Variants in CDK14 observed in about 807,000 individuals in gnomAD.
CDK14 encodes cyclin dependent kinase 14.
A neutral mutation model predicts 60.7 loss-of-function variants in CDK14; 34 were observed. That is an observed-to-expected ratio of 0.56 (90% confidence interval 0.43 to 0.75). CDK14 has a LOEUF of 0.75. Among genes scored for constraint, CDK14 ranks in the 30% least tolerant of loss-of-function variants. The pLI, the probability that CDK14 is intolerant of heterozygous loss-of-function variation, is 0.00. For synonymous variants in CDK14, 197 were observed against 203.7 expected (o/e 0.97, Z 0.28); for missense variants, 482 against 564.1 (o/e 0.85, Z 1.47).
chr7:91,015,267 T>A (rs1796266913), intron 10 of CDK14, among the ~76,000 whole-genome samples: 1 of 152,146 alleles, frequency 6.6e-6, no homozygotes, highest in South Asian at 2.1e-4. Context: ...AACTCCTTCC[T>A]CAAGACACTC....
At chr7:90,647,577 A>G (rs886195538) in intron 2 of CDK14, among the ~76,000 whole-genome samples, 1 of 151,696 alleles carries the variant, frequency 6.6e-6, no homozygotes, top group East Asian at 1.9e-4. Flanking sequence ...TTGTTTGGCG[A>G]GTTAAAACTT....
chr7:91,178,648 G>A (rs571244949), intron 14 of CDK14, among the ~76,000 whole-genome samples: 2,713 of 152,160 alleles, frequency 0.018, 27 homozygotes, highest in Non-Finnish European at 0.024. Flanking sequence ...GTGGGCGAAG[G>A]ACATGAACAG....
At chr7:91,005,294 C>T (rs1288983536) in intron 10 of CDK14, among the ~76,000 whole-genome samples, 1 of 152,246 alleles carries the variant, frequency 6.6e-6, no homozygotes, top group African/African-American at 2.4e-5. Context: ...GGTGGGTGCA[C>T]TGCTGGGAAC....
chr7:90,997,693 T>C (rs1317642740), intron 10 of CDK14, among the ~76,000 whole-genome samples: 1 of 152,194 alleles, frequency 6.6e-6, no homozygotes, highest in Non-Finnish European at 1.5e-5. Flanking sequence ...TAAAACCTTT[T>C]TGGGAGAATA....
intron 11 of CDK14, among the ~76,000 whole-genome samples, chr7:91,073,735 G>T (rs932800457): frequency 3.3e-5 from 5 of 151,652 alleles, no homozygotes; most frequent in African/African-American, 9.7e-5. Flanking sequence ...AAACCCATCG[G>T]TGTGCGGTAC....
intron 9 of CDK14, among the ~76,000 whole-genome samples, chr7:90,973,394 A>G (rs1794982436): frequency 1.3e-5 from 2 of 152,284 alleles, no homozygotes; most frequent in African/African-American, 4.8e-5. Context: ...CTCTGCTTAA[A>G]GCTCTCGGTC....
At chr7:90,810,582 C>T (rs570634785) in intron 5 of CDK14, among the ~76,000 whole-genome samples, 1 of 152,306 alleles carries the variant, frequency 6.6e-6, no homozygotes, top group Non-Finnish European at 1.5e-5. Flanking sequence ...TGCCCTCTCT[C>T]ACCACTCCTA....
At chr7:90,902,345 A>G (rs1792535595) in intron 7 of CDK14, among the ~76,000 whole-genome samples, 1 of 152,298 alleles carries the variant, frequency 6.6e-6, no homozygotes, top group Admixed American at 6.5e-5. Flanking sequence ...TTCAAAGTAC[A>G]CTACAAAGCT....
At chr7:91,069,924 G>A (rs968995410) in intron 11 of CDK14, among the ~76,000 whole-genome samples, 3 of 152,098 alleles carry the variant, frequency 2.0e-5, no homozygotes, top group Non-Finnish European at 2.9e-5. Context: ...AGCCTCCTGA[G>A]TAGCTAGAAC....
intron 9 of CDK14, among the ~76,000 whole-genome samples, chr7:90,978,248 A>C (rs1262010038): frequency 6.6e-6 from 1 of 152,122 alleles, no homozygotes; most frequent in African/African-American, 2.4e-5. Context: ...AAATTTGGAG[A>C]TAGAGGTCAG....
At chr7:90,746,204 T>C (rs1005028705) in intron 3 of CDK14, among the ~76,000 whole-genome samples, 1 of 152,222 alleles carries the variant, frequency 6.6e-6, no homozygotes, top group Admixed American at 6.5e-5. Context: ...AAATTTCTGA[T>C]TAGATATTGG....
At chr7:91,043,153 A>G (rs1797135612) in intron 10 of CDK14, among the ~76,000 whole-genome samples, 1 of 152,258 alleles carries the variant, frequency 6.6e-6, no homozygotes, top group African/African-American at 2.4e-5. Context: ...ACCATAATAT[A>G]TCATAATCAC....
intron 10 of CDK14, among the ~76,000 whole-genome samples, chr7:90,985,383 TA>T (rs1334803148): frequency 6.6e-6 from 1 of 152,172 alleles, no homozygotes; most frequent in Non-Finnish European, 1.5e-5. Flanking sequence ...AATAATTGAC[TA>T]ATATAGTTCT....
intron 11 of CDK14, among the ~76,000 whole-genome samples, chr7:91,078,669 C>T (rs1798392655): frequency 6.6e-6 from 1 of 151,904 alleles, no homozygotes; most frequent in South Asian, 2.1e-4. Context: ...TTGTTAAGTG[C>T]CAATAGAGTT....
chr7:90,650,581 A>G (rs1342996139), intron 2 of CDK14, among the ~76,000 whole-genome samples: 1 of 152,132 alleles, frequency 6.6e-6, no homozygotes, highest in African/African-American at 2.4e-5. Flanking sequence ...TAGGGTTTTT[A>G]TGGTTTTAGG....
intron 5 of CDK14, among the ~76,000 whole-genome samples, chr7:90,803,921 T>C (rs532419406): frequency 6.6e-6 from 1 of 152,190 alleles, no homozygotes; most frequent in African/African-American, 2.4e-5. Flanking sequence ...GTGGTAGATA[T>C]GGAGTTCACC....
At chr7:91,078,833 G>T (rs542729665) in intron 11 of CDK14, among the ~76,000 whole-genome samples, 1 of 152,296 alleles carries the variant, frequency 6.6e-6, no homozygotes. Context: ...GAAAGAATTT[G>T]CAGCTGAAGA....
intron 8 of CDK14, among the ~76,000 whole-genome samples, chr7:90,919,506 T>C (rs1024184877): frequency 3.3e-5 from 5 of 152,168 alleles, no homozygotes; most frequent in African/African-American, 4.8e-5. Context: ...TTTAGAAAAT[T>C]AGAAAATGTA....
chr7:91,059,696 T>C lies in CDK14; in HGVS notation c.1105+13736T>C, dbSNP rs1797715408. On this transcript the variant is annotated intron_variant, in intron 11 of 14. Transcript: ENST00000380050. ...TCATTCAGGAGCAGGTTGTTCAGTT[T>C]CCATGTAGTTGAGCGGTTTTGAGTG... Among the ~76,000 whole-genome samples the C allele has an allele frequency of 2.0e-5, 3 of 152,338 alleles. No individual in the cohort carries two copies. The South Asian group carries it at 6.2e-4, about 32-fold the overall frequency.
Sources: allele counts gnomAD v4.1 joint callset (sites outside exome capture counted in the v4.1 genomes callset), GRCh38; gene constraint gnomAD v4.1.1; transcripts MANE v1.5; gene names NCBI Gene and HGNC (gene_info 2026-07-23, HGNC 2026-07-21).